CLYBL: variants seen among roughly 807,000 people sequenced by gnomAD.
CLYBL encodes citramalyl-CoA lyase, also known as citramalyl-CoA lyase, mitochondrial.
CLYBL carries 31 observed loss-of-function variants against 38.9 expected under a neutral mutation model. The observed-to-expected ratio is 0.80, with a 90% confidence interval of 0.60 to 1.08. CLYBL has a LOEUF of 1.08. Among genes scored for constraint, CLYBL ranks in the 50% least tolerant of loss-of-function variants. CLYBL has a pLI of 0.00. For missense variants in CLYBL, 434 were observed against 411.6 expected (o/e 1.05, Z -0.47); for synonymous variants, 171 against 158.6 (o/e 1.08, Z -0.59).
In CLYBL at chr13:99,857,392, TATGGA is replaced by T. The variant is rs533564720; in HGVS notation, c.250-1466_250-1462del. On this transcript the variant is annotated intron_variant, in intron 2 of 8. Transcript: ENST00000339105. ...AGAGCAAGTGGGCGAGTTTTATATC[TATGGA>T]ATAAAACAAAGGTATGATGTGGAAC... Among the ~76,000 whole-genome samples, 614 of 152,298 alleles carry T rather than the reference TATGGA, an allele frequency of 4.0e-3. 2 individuals carry two copies. In the Middle Eastern group the frequency reaches 0.044, roughly 11 times the overall value.
At chr13:99,776,856 A>G in intron 2 of CLYBL, among the ~76,000 whole-genome samples, 1 of 151,856 alleles carries the variant, frequency 6.6e-6, no homozygotes, top group Non-Finnish European at 1.5e-5. Flanking sequence ...AAATTGAAGC[A>G]CAGAGATATC....
chr13:99,858,813 C>A, intron 2 of CLYBL, 48 bp from the exon 3 acceptor site: 1 of 1,344,006 alleles, frequency 7.4e-7, no homozygotes, highest in South Asian at 1.4e-5. Context: ...TGATGGTGCT[C>A]CCCTCAATGA....
At chr13:99,816,981 C>T (rs1442535826) in intron 2 of CLYBL, among the ~76,000 whole-genome samples, 1 of 152,160 alleles carries the variant, frequency 6.6e-6, no homozygotes, top group Non-Finnish European at 1.5e-5. Context: ...GGGATAATGC[C>T]TGACAAAGAT....
intron 1 of CLYBL, among the ~76,000 whole-genome samples, chr13:99,687,319 G>A (rs1016606756): frequency 2.6e-5 from 4 of 152,312 alleles, no homozygotes; most frequent in Non-Finnish European, 2.9e-5. Context: ...TTTACAATCA[G>A]CTCTGTTGAA....
chr13:99,753,494 T>C (rs118124241), intron 1 of CLYBL, among the ~76,000 whole-genome samples: 1 of 152,052 alleles, frequency 6.6e-6, no homozygotes, highest in African/African-American at 2.4e-5. Context: ...AGCTCTCCAG[T>C]TTGTAATGTA....
At chr13:99,854,993 C>T (rs2051424575) in intron 2 of CLYBL, among the ~76,000 whole-genome samples, 1 of 152,154 alleles carries the variant, frequency 6.6e-6, no homozygotes, top group Non-Finnish European at 1.5e-5. Context: ...AGAATGGGGG[C>T]CTGCAAAGAT....
intron 1 of CLYBL, among the ~76,000 whole-genome samples, chr13:99,735,410 G>T (rs2139583686): frequency 1.3e-5 from 2 of 151,818 alleles, no homozygotes; most frequent in South Asian, 4.2e-4. Context: ...TACCCAGGCT[G>T]GTCTTGAACT....
At chr13:99,659,910 G>A (rs2047384508) in intron 1 of CLYBL, among the ~76,000 whole-genome samples, 1 of 152,134 alleles carries the variant, frequency 6.6e-6, no homozygotes, top group Admixed American at 6.5e-5. Flanking sequence ...TCTCTTCTGT[G>A]AACCAGGGGG....
intron 1 of CLYBL, among the ~76,000 whole-genome samples, chr13:99,735,295 G>C (rs2048649900): frequency 6.6e-6 from 1 of 152,176 alleles, no homozygotes; most frequent in African/African-American, 2.4e-5. Flanking sequence ...CTGGGCTCAA[G>C]CCATCCTCCC....
At chr13:99,807,472 C>T (rs1014742721) in intron 2 of CLYBL, among the ~76,000 whole-genome samples, 3 of 152,220 alleles carry the variant, frequency 2.0e-5, no homozygotes, top group Non-Finnish European at 4.4e-5. Context: ...AAACAAAATG[C>T]GGTGTCTTTG....
chr13:99,730,821 G>A (rs866834780), intron 1 of CLYBL, among the ~76,000 whole-genome samples: 3 of 152,230 alleles, frequency 2.0e-5, no homozygotes, highest in South Asian at 4.2e-4. Flanking sequence ...GGTGGCTCAC[G>A]CCTGTAATCC....
chr13:99,689,127 T>G (rs1426586667), intron 1 of CLYBL, among the ~76,000 whole-genome samples: 1 of 152,208 alleles, frequency 6.6e-6, no homozygotes, highest in Non-Finnish European at 1.5e-5. Context: ...CCCTTGGGAC[T>G]TCACATAAAT....
chr13:99,907,514 T>C (rs904839706), intron 9 of CLYBL, among the ~76,000 whole-genome samples: 2 of 152,178 alleles, frequency 1.3e-5, no homozygotes, highest in East Asian at 3.8e-4. Flanking sequence ...GATTTTTATT[T>C]TTTCTTCTTT....
chr13:99,654,504 A>G (rs1022457785), intron 1 of CLYBL, among the ~76,000 whole-genome samples: 1 of 152,180 alleles, frequency 6.6e-6, no homozygotes, highest in East Asian at 1.9e-4. Flanking sequence ...CTTTCCCAGC[A>G]TATTATGCTG....
chr13:99,879,162 C>T (rs1028862508), intron 7 of CLYBL, among the ~76,000 whole-genome samples: 33 of 152,168 alleles, frequency 2.2e-4, no homozygotes, highest in African/African-American at 7.2e-4. Flanking sequence ...ATTGCACCCC[C>T]GACTTCCTGG....
At position 99,658,811 on chromosome 13, in the gene CLYBL, G is replaced by C. The variant is rs180937567; in HGVS notation, c.62+52054G>C. Among the ~76,000 whole-genome samples, 819 of 152,310 alleles carry C rather than the reference G, an allele frequency of 5.4e-3. 17 individuals carry two copies. The highest frequency in any genetic ancestry group is 5.2e-3 in the Non-Finnish European group (352 of 68,022). ...ACAGCTGCATTTTGTTCCTGGGACTGTTGGTGTCACCAGAGCCTCTTTTTT... is the reference window on the plus strand; with the variant it reads ...ACAGCTGCATTTTGTTCCTGGGACTCTTGGTGTCACCAGAGCCTCTTTTTT... On this transcript the variant is annotated intron_variant, in intron 1 of 8. Coordinates refer to ENST00000339105, the MANE Select transcript of CLYBL (RefSeq NM_206808.5).
chr13:99,679,735 TG>T (rs200650525), intron 1 of CLYBL, among the ~76,000 whole-genome samples: 2 of 147,298 alleles, frequency 1.4e-5, no homozygotes, highest in African/African-American at 2.5e-5. Context: ...AAGGAGAGGG[TG>T]GGGGGGGAAA....
chr13:99,896,169 C>T (rs1266823686), downstream of CLYBL: 1 of 151,620 alleles, frequency 6.6e-6, no homozygotes, highest in Non-Finnish European at 1.5e-5. Context: ...CTCGCCCGCC[C>T]GCCGCGGGCC....
chr13:99,754,205 T>C (rs28662865), intron 1 of CLYBL, among the ~76,000 whole-genome samples: 2,843 of 148,560 alleles, frequency 0.019, 81 homozygotes, highest in African/African-American at 0.068. Context: ...AGCCCAGGAG[T>C]TCGAGACCAG....
Sources: gnomAD v4.1 joint callset for allele counts (sites outside exome capture counted in the v4.1 genomes callset) on GRCh38, gnomAD v4.1.1 for gene constraint, MANE v1.5 for transcripts, NCBI Gene and HGNC (gene_info 2026-07-23, HGNC 2026-07-21) for gene names.